The following CPNE4 variants were observed in gnomAD, a reference collection of about 807,000 sequenced individuals.
CPNE4 encodes copine-4.
CPNE4 carries 25 observed loss-of-function variants against 67.9 expected under a neutral mutation model. The ratio of observed to expected loss-of-function variants is 0.37; its 90% CI spans 0.27 to 0.51. CPNE4 has a LOEUF of 0.51. CPNE4 is among the 20% of genes least tolerant of loss of function. CPNE4 has a pLI of 0.93. For missense variants in CPNE4, 464 were observed against 690.8 expected, an observed-to-expected ratio of 0.67 and a Z score of 3.68; for synonymous variants, 242 against 244.9, an observed-to-expected ratio of 0.99 and a Z score of 0.11.
chr3:132,002,518 GAAGA>G (rs2073481771), intron 1 of CPNE4, among the ~76,000 whole-genome samples: 3 of 152,228 alleles, frequency 2.0e-5, no homozygotes, highest in Admixed American at 1.3e-4. Flanking sequence ...AAAAGAATGT[GAAGA>G]ATGACAAGAA....
intron 1 of CPNE4, among the ~76,000 whole-genome samples, chr3:132,016,988 A>G (rs2073902034): frequency 6.6e-6 from 1 of 152,172 alleles, no homozygotes; most frequent in South Asian, 2.1e-4. Flanking sequence ...TGCATGTGGT[A>G]GGTGTTCAAT....
intron 7 of CPNE4, among the ~76,000 whole-genome samples, chr3:131,624,471 T>G (rs181188113): frequency 1.1e-4 from 17 of 152,296 alleles, no homozygotes; most frequent in Admixed American, 2.6e-4. Flanking sequence ...TATACCCTTT[T>G]CCCCAGAGCC....
intron 6 of CPNE4, among the ~76,000 whole-genome samples, chr3:131,674,174 A>G (rs2080499674): frequency 6.6e-6 from 1 of 151,960 alleles, no homozygotes; most frequent in Non-Finnish European, 1.5e-5. Flanking sequence ...CCTCTTGGTC[A>G]TGGTGCATGA....
chr3:132,010,224 T>C (rs1206112933), intron 1 of CPNE4, among the ~76,000 whole-genome samples: 1 of 152,166 alleles, frequency 6.6e-6, no homozygotes, highest in East Asian at 1.9e-4. Flanking sequence ...CAGAACCAGC[T>C]ACACCTAACC....
chr3:131,954,502 T>G (rs1423719194), intron 1 of CPNE4, among the ~76,000 whole-genome samples: 2 of 151,436 alleles, frequency 1.3e-5, no homozygotes, highest in African/African-American at 4.9e-5. Flanking sequence ...AACTCTTTTT[T>G]TATTATTATT....
At chr3:131,902,143 T>G (rs1336589916) in intron 2 of CPNE4, among the ~76,000 whole-genome samples, 1 of 152,088 alleles carries the variant, frequency 6.6e-6, no homozygotes, top group Non-Finnish European at 1.5e-5. Context: ...CTAAACTGCT[T>G]CTAGAAGTAC....
At chr3:131,564,760 A>G (rs746016052) in intron 10 of CPNE4, among the ~76,000 whole-genome samples, 7 of 152,038 alleles carry the variant, frequency 4.6e-5, no homozygotes, top group African/African-American at 9.7e-5. Flanking sequence ...AAGATCCCTT[A>G]AAACCAAATT....
chr3:131,756,938 C>T (rs896797383), intron 2 of CPNE4, among the ~76,000 whole-genome samples: 8 of 152,176 alleles, frequency 5.3e-5, no homozygotes, highest in Non-Finnish European at 7.3e-5. Context: ...TTTGCTTCTT[C>T]CTCATTTTCT....
intron 5 of CPNE4, among the ~76,000 whole-genome samples, chr3:131,687,681 T>C (rs1175580617): frequency 6.6e-6 from 1 of 152,218 alleles, no homozygotes. Context: ...AGTCTTCAGC[T>C]CAGCAAAATA....
At chr3:131,717,928 T>TTCTTTCTC (rs2081769377) in intron 3 of CPNE4, among the ~76,000 whole-genome samples, 1 of 146,378 alleles carries the variant, frequency 6.8e-6, no homozygotes, top group African/African-American at 2.5e-5. Context: ...CTTTCTTTCT[T>TTCTTTCTC]TCTTTCTTTC....
At chr3:131,621,515 G>T (rs191407240) in intron 7 of CPNE4, among the ~76,000 whole-genome samples, 2 of 152,112 alleles carry the variant, frequency 1.3e-5, no homozygotes, top group African/African-American at 4.8e-5. Context: ...CAGAGCACTG[G>T]GATTACAAGC....
At chr3:131,548,704 G>A (rs11925443) in intron 14 of CPNE4, among the ~76,000 whole-genome samples, 23,517 of 151,932 alleles carry the variant, frequency 0.15, 1,900 homozygotes, top group African/African-American at 0.21. Context: ...TATAGGGAGC[G>A]AAAGAGAAAA....
chr3:131,770,247 C>G (rs1270259792), intron 2 of CPNE4, among the ~76,000 whole-genome samples: 5 of 152,162 alleles, frequency 3.3e-5, no homozygotes, highest in Non-Finnish European at 5.9e-5. Flanking sequence ...GGAATTTACT[C>G]CACATTTTAA....
intron 1 of CPNE4, among the ~76,000 whole-genome samples, chr3:131,979,508 C>T (rs897488487): frequency 1.3e-5 from 2 of 152,086 alleles, no homozygotes; most frequent in Admixed American, 6.6e-5. Flanking sequence ...TACTCCTGCT[C>T]GCTTTTGGTG....
At chr3:131,605,182 AG>A (rs1415447031) in intron 7 of CPNE4, among the ~76,000 whole-genome samples, 3 of 152,178 alleles carry the variant, frequency 2.0e-5, no homozygotes, top group African/African-American at 7.2e-5. Flanking sequence ...TTGAATGAAT[AG>A]TTTTTGAGTG....
chr3:131,822,076 C>A (rs929099976), intron 2 of CPNE4, among the ~76,000 whole-genome samples: 1 of 152,140 alleles, frequency 6.6e-6, no homozygotes, highest in Non-Finnish European at 1.5e-5. Flanking sequence ...AAAATTAATT[C>A]TTATATTTGG....
At chr3:131,703,350 C>T (rs1428754247) in intron 3 of CPNE4, among the ~76,000 whole-genome samples, 1 of 152,204 alleles carries the variant, frequency 6.6e-6, no homozygotes, top group African/African-American at 2.4e-5. Flanking sequence ...GATGGGGTCA[C>T]AGGTGCAAAC....
At chr3:132,020,753 T>C (rs971949870) in intron 1 of CPNE4, among the ~76,000 whole-genome samples, 1 of 152,158 alleles carries the variant, frequency 6.6e-6, no homozygotes, top group Non-Finnish European at 1.5e-5. Flanking sequence ...ATGATTTTGG[T>C]ACATGAGTGA....
chr3:132,033,029 T>C (rs933823234), intron 1 of CPNE4, among the ~76,000 whole-genome samples: 2 of 151,998 alleles, frequency 1.3e-5, no homozygotes, highest in African/African-American at 4.8e-5. Flanking sequence ...AAGCAGAAAA[T>C]AAAACACAAA....
Sources: gnomAD v4.1 joint callset for allele counts (sites outside exome capture counted in the v4.1 genomes callset) on GRCh38, gnomAD v4.1.1 for gene constraint, MANE v1.5 for transcripts, NCBI Gene and HGNC (gene_info 2026-07-23, HGNC 2026-07-21) for gene names.